Variants in GULP1 observed in about 807,000 individuals in gnomAD.
GULP1 encodes PTB domain-containing engulfment adapter protein 1.
GULP1 carries 19 observed loss-of-function variants against 40.9 expected under a neutral mutation model. That is an observed-to-expected ratio of 0.46 (90% CI 0.32 to 0.68). GULP1 has a LOEUF of 0.68. GULP1 is among the 30% of genes least tolerant of loss of function. The pLI is 0.03. For missense variants in GULP1, 312 were observed against 362.2 expected (o/e 0.86, Z 1.12); for synonymous variants, 119 against 117.6 (o/e 1.01, Z -0.08).
chr2:188,387,184 C>T (rs750830376), intron 2 of GULP1, among the ~76,000 whole-genome samples: 6 of 151,750 alleles, frequency 4.0e-5, no homozygotes, highest in East Asian at 3.9e-4. Flanking sequence ...TGCAGTGAGC[C>T]GAGGTTGCAC....
intron 2 of GULP1, among the ~76,000 whole-genome samples, chr2:188,429,670 C>T (rs376781256): frequency 1.3e-5 from 2 of 151,808 alleles, no homozygotes; most frequent in Non-Finnish European, 2.9e-5. Flanking sequence ...TTTAGTCTTT[C>T]GGCTAGAGCA....
intron 1 of GULP1, among the ~76,000 whole-genome samples, chr2:188,362,037 G>A (rs1247894095): frequency 6.6e-6 from 1 of 151,968 alleles, no homozygotes; most frequent in Non-Finnish European, 1.5e-5. Context: ...TTATGAACCT[G>A]ATTTAATGTG....
chr2:188,567,174 C>CT (rs1365537970), intron 7 of GULP1, among the ~76,000 whole-genome samples: 1 of 152,146 alleles, frequency 6.6e-6, no homozygotes, highest in African/African-American at 2.4e-5. Context: ...TGTTTTTACA[C>CT]TGTTGGTGGG....
At chr2:188,482,856 G>A (rs2061546770) in intron 3 of GULP1, among the ~76,000 whole-genome samples, 1 of 151,664 alleles carries the variant, frequency 6.6e-6, no homozygotes. Flanking sequence ...CCTTCAATCA[G>A]TGTTTCCTCA....
At chr2:188,354,197 A>G (rs561494452) in intron 1 of GULP1, among the ~76,000 whole-genome samples, 4 of 151,932 alleles carry the variant, frequency 2.6e-5, no homozygotes, top group South Asian at 2.1e-4. Flanking sequence ...GATACTGCCA[A>G]TTTTTACCAT....
chr2:188,457,079 A>G (rs952814771), intron 2 of GULP1, among the ~76,000 whole-genome samples: 2 of 152,162 alleles, frequency 1.3e-5, no homozygotes, highest in Non-Finnish European at 2.9e-5. Flanking sequence ...CTAGGAAGTA[A>G]CTAGCTTGCT....
chr2:188,323,911 G>A (rs551519647), intron 1 of GULP1, among the ~76,000 whole-genome samples: 22 of 151,998 alleles, frequency 1.4e-4, no homozygotes, highest in Non-Finnish European at 2.8e-4. Context: ...CTTCTGGGCA[G>A]CAAGATACTA....
intron 4 of GULP1, among the ~76,000 whole-genome samples, chr2:188,501,727 C>T (rs774796630): frequency 9.2e-5 from 14 of 151,938 alleles, no homozygotes; most frequent in Middle Eastern, 3.2e-3. Context: ...GAGATATAAG[C>T]CATATAGAAC....
intron 9 of GULP1, among the ~76,000 whole-genome samples, chr2:188,572,766 A>G (rs1699341128): frequency 6.6e-6 from 1 of 152,332 alleles, no homozygotes; most frequent in Non-Finnish European, 1.5e-5. Context: ...ACAGAAAGAC[A>G]AATATCACGT....
intron 1 of GULP1, among the ~76,000 whole-genome samples, chr2:188,361,413 C>T (rs1029891666): frequency 1.3e-5 from 2 of 151,124 alleles, no homozygotes; most frequent in Non-Finnish European, 3.0e-5. Context: ...GCAGGGGAGG[C>T]AGGAGAGAAG....
At chr2:188,336,419 T>G (rs2042258015) in intron 1 of GULP1, among the ~76,000 whole-genome samples, 1 of 152,234 alleles carries the variant, frequency 6.6e-6, no homozygotes. Context: ...AAGCCTGCTA[T>G]GAGCCAGATA....
At chr2:188,394,060 T>A (rs569904850) in intron 2 of GULP1, among the ~76,000 whole-genome samples, 1 of 152,352 alleles carries the variant, frequency 6.6e-6, no homozygotes, top group East Asian at 1.9e-4. Context: ...TATATTTAGA[T>A]ATCTAAATCT....
At chr2:188,451,595 T>C (rs1440147690) in intron 2 of GULP1, among the ~76,000 whole-genome samples, 1 of 152,184 alleles carries the variant, frequency 6.6e-6, no homozygotes, top group Non-Finnish European at 1.5e-5. Flanking sequence ...CTCATAATTT[T>C]AAAACTGATT....
At chr2:188,445,750 A>G (rs1297492356) in intron 2 of GULP1, among the ~76,000 whole-genome samples, 7 of 152,162 alleles carry the variant, frequency 4.6e-5, no homozygotes, top group Admixed American at 1.3e-4. Flanking sequence ...ATCTTTTAAA[A>G]TCTTATTCAT....
chr2:188,367,986 ATC>A (rs2047024143), intron 1 of GULP1, among the ~76,000 whole-genome samples: 1 of 151,840 alleles, frequency 6.6e-6, no homozygotes, highest in African/African-American at 2.4e-5. Context: ...CACCCTTTTC[ATC>A]TCTTTCTTTT....
chr2:188,329,666 T>C (rs928716562), intron 1 of GULP1, among the ~76,000 whole-genome samples: 3 of 152,118 alleles, frequency 2.0e-5, no homozygotes, highest in African/African-American at 7.2e-5. Flanking sequence ...GCTTATAATG[T>C]GTCACTTTTG....
chr2:188,545,760 A>C (rs1297236683), intron 7 of GULP1, among the ~76,000 whole-genome samples: 1 of 151,960 alleles, frequency 6.6e-6, no homozygotes, highest in South Asian at 2.1e-4. Context: ...AAATGGTCTA[A>C]CTACACCAGT....
chr2:188,379,796 A>G (rs1213918546), intron 1 of GULP1, among the ~76,000 whole-genome samples: 1 of 152,154 alleles, frequency 6.6e-6, no homozygotes, highest in Non-Finnish European at 1.5e-5. Flanking sequence ...ATTCTAACTA[A>G]TAGCCTATCC....
At chr2:188,503,777 A>G (rs1259050811) in intron 4 of GULP1, among the ~76,000 whole-genome samples, 1 of 151,898 alleles carries the variant, frequency 6.6e-6, no homozygotes, top group African/African-American at 2.4e-5. Context: ...CAAATCTTAT[A>G]AACGATGGAG....
Sources: allele counts gnomAD v4.1 joint callset (sites outside exome capture counted in the v4.1 genomes callset), GRCh38; gene constraint gnomAD v4.1.1; transcripts MANE v1.5; gene names NCBI Gene and HGNC (gene_info 2026-07-23, HGNC 2026-07-21).